The following BNC2 variants were observed in gnomAD, a reference collection of about 807,000 sequenced individuals.
The protein encoded by BNC2 is zinc finger protein basonuclin-2.
BNC2 carries 20 observed loss-of-function variants against 76.3 expected under a neutral mutation model. That is an observed-to-expected ratio of 0.26 (90% CI 0.18 to 0.38). BNC2 has a LOEUF of 0.38. BNC2 is among the 10% of genes least tolerant of loss of function. The probability of loss-of-function intolerance (pLI) is 1.00; values close to 1 mark genes in which losing one functional copy is unlikely to be tolerated. For synonymous variants in BNC2, 582 were observed against 514.8 expected (o/e 1.13, Z -1.77); for missense variants, 1,382 against 1,399.8 (o/e 0.99, Z 0.20).
intron 5 of BNC2, among the ~76,000 whole-genome samples, chr9:16,490,274 A>G (rs926561012): frequency 6.6e-6 from 1 of 152,146 alleles, no homozygotes; most frequent in African/African-American, 2.4e-5. Context: ...TGGCAGCCGC[A>G]AGAGAAAATG....
intron 1 of BNC2, among the ~76,000 whole-genome samples, chr9:16,850,712 C>A (rs989523219): frequency 1.1e-4 from 16 of 151,872 alleles, no homozygotes; most frequent in Non-Finnish European, 2.1e-4. Context: ...GTAGGGGGAT[C>A]GCTTAAGTCC....
At chr9:16,594,215 C>T (rs1366495705) in intron 3 of BNC2, among the ~76,000 whole-genome samples, 2 of 152,042 alleles carry the variant, frequency 1.3e-5, no homozygotes, top group African/African-American at 4.8e-5. Context: ...TCAAAAGCAC[C>T]TCCAATCCTA....
chr9:16,500,308 G>A (rs1402803875), intron 5 of BNC2, among the ~76,000 whole-genome samples: 1 of 152,042 alleles, frequency 6.6e-6, no homozygotes, highest in Non-Finnish European at 1.5e-5. Context: ...GGCATTTAAT[G>A]AACATCCAAT....
chr9:16,757,770 T>C (rs1204764920), intron 1 of BNC2, among the ~76,000 whole-genome samples: 1 of 152,042 alleles, frequency 6.6e-6, no homozygotes, highest in Non-Finnish European at 1.5e-5. Flanking sequence ...TTCGTTCTGT[T>C]ATTTAAAAGC....
At position 16,435,948 on chromosome 9, in the gene BNC2, C is replaced by A. The variant is rs376503664; in HGVS notation, c.2246G>T (p.Ser749Ile). The A allele has an allele frequency of 6.8e-6, 11 of 1,614,068 alleles. No homozygotes were observed. Among genetic ancestry groups the A allele is most frequent in the Non-Finnish European group, 9.3e-6 (11 of 1,180,034 alleles). ...CTCACTATTCATCAGGACTTTTTCA[C>A]TCACTTCGCTGTGAATGTGCTCATC... is the stretch of plus-strand genomic sequence containing the variant. ...EGDEHIHSEV[S>I]EKVLMNSERP... The change falls in exon 6 of 7, where the codon AGT (serine) becomes ATT (isoleucine). Residue 749 changes from serine to isoleucine, a missense_variant. Physicochemically the swap from Ser to Ile is moderately radical, Grantham distance 142 (BLOSUM62 -2). Around this residue, in one of 3 missense-constraint regions of BNC2, gnomAD observed 798 missense variants for 775.5 expected, o/e 1.03. Coordinates refer to ENST00000380672, the MANE Select transcript of BNC2 (RefSeq NM_017637.6).
intron 1 of BNC2, among the ~76,000 whole-genome samples, chr9:16,816,306 T>C (rs371442233): frequency 7.5e-4 from 114 of 152,280 alleles, no homozygotes; most frequent in African/African-American, 2.5e-3. Flanking sequence ...TTTCCTGATT[T>C]ATGTGGGAAA....
chr9:16,447,871 C>A (rs1821260033), intron 5 of BNC2, among the ~76,000 whole-genome samples: 1 of 152,046 alleles, frequency 6.6e-6, no homozygotes, highest in Non-Finnish European at 1.5e-5. Flanking sequence ...CAAAAACTAG[C>A]AGTATTTGTA....
At chr9:16,568,984 AC>A (rs1819241248) in intron 4 of BNC2, among the ~76,000 whole-genome samples, 1 of 151,008 alleles carries the variant, frequency 6.6e-6, no homozygotes, top group Non-Finnish European at 1.5e-5. Context: ...GATATTTAAT[AC>A]CAAGGCTTGC....
At chr9:16,640,187 GA>G (rs1259813521) in intron 3 of BNC2, among the ~76,000 whole-genome samples, 1 of 151,656 alleles carries the variant, frequency 6.6e-6, no homozygotes, top group Non-Finnish European at 1.5e-5. Flanking sequence ...AGCAAAAGAA[GA>G]AAACAAAGTC....
intron 1 of BNC2, among the ~76,000 whole-genome samples, chr9:16,860,803 G>A (rs1462681524): frequency 6.6e-6 from 1 of 152,178 alleles, no homozygotes; most frequent in Admixed American, 6.5e-5. Context: ...AGCACTTTGG[G>A]AGGCCAAGAC....
chr9:16,520,484 G>A (rs187619248), intron 5 of BNC2, among the ~76,000 whole-genome samples: 204 of 152,308 alleles, frequency 1.3e-3, no homozygotes, highest in Admixed American at 4.0e-3. Context: ...CTGCAATATT[G>A]CAGGTAGTTG....
chr9:16,808,934 G>C (rs1026254623), intron 1 of BNC2, among the ~76,000 whole-genome samples: 1 of 151,972 alleles, frequency 6.6e-6, no homozygotes, highest in African/African-American at 2.4e-5. Context: ...TAATGTACTT[G>C]GCTGTCCCCT....
chr9:16,709,086 G>T (rs1015592329), intron 3 of BNC2, among the ~76,000 whole-genome samples: 1 of 152,174 alleles, frequency 6.6e-6, no homozygotes, highest in Admixed American at 6.5e-5. Flanking sequence ...GAGGTTTAGG[G>T]AAAGCCTGTC....
intron 3 of BNC2, among the ~76,000 whole-genome samples, chr9:16,668,453 TATACCATAC>T (rs1822370029): frequency 6.6e-6 from 1 of 152,228 alleles, no homozygotes. Flanking sequence ...GATCTCAGGG[TATACCATAC>T]ATGAGTGAAT....
chr9:16,632,955 T>C (rs535726539), intron 3 of BNC2, among the ~76,000 whole-genome samples: 1 of 152,256 alleles, frequency 6.6e-6, no homozygotes, highest in Non-Finnish European at 1.5e-5. Flanking sequence ...CCCCGAAGCA[T>C]GAGAACTGAT....
chr9:16,445,442 A>G (rs1164000644), intron 5 of BNC2, among the ~76,000 whole-genome samples: 1 of 152,144 alleles, frequency 6.6e-6, no homozygotes, highest in Non-Finnish European at 1.5e-5. Flanking sequence ...GCAGAATGAA[A>G]CATACTCATT....
chr9:16,575,183 G>A lies in BNC2; in HGVS notation c.433+7800C>T, dbSNP rs759407280. ...ACAACTTGGCAAGATTCTACCTACAGTAGGTGACAGAGCCGCGACGTGAAT... is the reference window on the plus strand; with the variant it reads ...ACAACTTGGCAAGATTCTACCTACAATAGGTGACAGAGCCGCGACGTGAAT... On this transcript the variant is annotated intron_variant, in intron 4 of 6. Coordinates refer to ENST00000380672, the MANE Select transcript of BNC2 (RefSeq NM_017637.6). 4.9e-4 allele frequency: 398 copies of A among 805,778 alleles called. 1 individual carries two copies. Among genetic ancestry groups the A allele is most frequent in the Non-Finnish European group, 5.8e-4 (385 of 666,172 alleles). The allele number at this position is 805,778 out of a possible 1,614,324, so 49.9% of individuals were successfully genotyped here. A position where few individuals can be genotyped will look rare whatever the true frequency, so the allele number is the denominator to read the frequency against.
chr9:16,765,289 T>A (rs544120641), intron 1 of BNC2, among the ~76,000 whole-genome samples: 2 of 152,328 alleles, frequency 1.3e-5, no homozygotes, highest in South Asian at 4.1e-4. Flanking sequence ...AATCAGATTT[T>A]ATTCTGGCTA....
At chr9:16,739,398 G>T (rs1418699533) in intron 1 of BNC2, among the ~76,000 whole-genome samples, 1 of 152,246 alleles carries the variant, frequency 6.6e-6, no homozygotes, top group Non-Finnish European at 1.5e-5. Flanking sequence ...GCCGGGCATG[G>T]TGGCTCACGC....
Sources: allele counts gnomAD v4.1 joint callset (sites outside exome capture counted in the v4.1 genomes callset), GRCh38; gene constraint gnomAD v4.1.1; regional missense constraint gnomAD v4.1.1; transcripts MANE v1.5; gene names NCBI Gene and HGNC (gene_info 2026-07-23, HGNC 2026-07-21).